Variants in UPF2 observed in about 807,000 individuals in gnomAD.
The protein encoded by UPF2 is UPF2 regulator of nonsense mediated mRNA decay, also known as regulator of nonsense transcripts 2.
In UPF2, 17 loss-of-function variants were observed where a neutral mutation model predicts 141.4. The ratio of observed to expected loss-of-function variants is 0.12; its 90% CI spans 0.08 to 0.18. The LOEUF (loss-of-function observed/expected upper bound fraction) is 0.18, where lower values mean the gene tolerates loss of function less well. UPF2 is among the 10% of genes least tolerant of loss of function. The pLI, the probability that UPF2 is intolerant of heterozygous loss-of-function variation, is 1.00. For missense variants in UPF2, 1,152 were observed against 1,515.9 expected, an observed-to-expected ratio of 0.76 and a Z score of 3.99; for synonymous variants, 540 against 498.0, an observed-to-expected ratio of 1.08 and a Z score of -1.12.
At chr10:11,938,519 G>A (rs540675781) in intron 18 of UPF2, among the ~76,000 whole-genome samples, 1 of 152,060 alleles carries the variant, frequency 6.6e-6, no homozygotes, top group East Asian at 1.9e-4. Context: ...AAACCACACT[G>A]GATATTATCA....
rs765525104 is a variant in UPF2 at position 11,959,135 on chromosome 10, C to T, written c.2370+36G>A. Reference sequence around the variant, plus strand: ...AAGCTTAGCACTACCACAAATCTCACGTTAACTATTAACTGCATGATTTCA... The same window carrying T: ...AAGCTTAGCACTACCACAAATCTCATGTTAACTATTAACTGCATGATTTCA... On this transcript the variant is annotated intron_variant, in intron 12 of 21. Coordinates refer to ENST00000357604, the MANE Select transcript of UPF2 (RefSeq NM_015542.4). The surrounding 1 kb of genome is among the most constrained non-coding windows in gnomAD (Gnocchi z 5.9). The T allele has an allele frequency of 2.6e-6, 4 of 1,537,314 alleles. No homozygotes were observed. The highest frequency in any genetic ancestry group is 4.5e-5 in the East Asian group (2 of 44,152).
intron 19 of UPF2, among the ~76,000 whole-genome samples, chr10:11,933,748 C>T (rs1832809266): frequency 6.6e-6 from 1 of 152,082 alleles, no homozygotes; most frequent in South Asian, 2.1e-4. Flanking sequence ...TCTATAAGGG[C>T]CAGATGGGGT....
At chr10:11,948,595 T>G in intron 15 of UPF2, 87 bp from the exon 16 acceptor site, 1 of 1,400,964 alleles carries the variant, frequency 7.1e-7, no homozygotes. Flanking sequence ...TGTAAAAGTA[T>G]GCATTAAGAA....
intron 20 of UPF2, among the ~76,000 whole-genome samples, chr10:11,930,229 T>TGATA (rs1832766601): frequency 6.6e-6 from 1 of 152,224 alleles, no homozygotes; most frequent in South Asian, 2.1e-4. Flanking sequence ...AGCTATATTA[T>TGATA]GAGGCAGTAG....
At chr10:12,002,353 TG>T (rs1833967561) in intron 5 of UPF2, among the ~76,000 whole-genome samples, 1 of 152,136 alleles carries the variant, frequency 6.6e-6, no homozygotes, top group African/African-American at 2.4e-5. Context: ...ACTGAAGAGA[TG>T]GATGGATGAC....
At chr10:11,988,565 A>G (rs997908492) in intron 8 of UPF2, among the ~76,000 whole-genome samples, 1 of 152,198 alleles carries the variant, frequency 6.6e-6, no homozygotes, top group Non-Finnish European at 1.5e-5. Context: ...TTGGTCTCCA[A>G]AAGTGTTGGG....
At position 12,030,383 on chromosome 10, in the gene UPF2, A is replaced by C. The variant is rs1336202540; in HGVS notation, c.366-859T>G. Among the ~76,000 whole-genome samples the C allele has an allele frequency of 3.9e-5, 6 of 151,982 alleles. No homozygotes were observed. The East Asian group carries it at 7.8e-4, about 20-fold the overall frequency. ...ACCCCGTCTCTACTAAAAATACAAA[A>C]ATCAGCCAGTCGTGGTGGTGGGCAC... On this transcript the variant is annotated intron_variant, in intron 2 of 21. Transcript: ENST00000357604.
chr10:12,017,022 A>G (rs1030420628), intron 3 of UPF2, among the ~76,000 whole-genome samples: 47 of 107,712 alleles, frequency 4.4e-4, no homozygotes, highest in African/African-American at 1.0e-3. Context: ...TCCATCTCGG[A>G]AAAAAAAAAA....
chr10:11,927,544 G>A (rs1832728457), intron 21 of UPF2, among the ~76,000 whole-genome samples: 1 of 152,152 alleles, frequency 6.6e-6, no homozygotes, highest in African/African-American at 2.4e-5. Context: ...TGCAAAAGCA[G>A]GAAATGAACA....
At chr10:12,018,657 TGGGA>T (rs1834266396) in intron 3 of UPF2, among the ~76,000 whole-genome samples, 1 of 151,624 alleles carries the variant, frequency 6.6e-6, no homozygotes, top group Non-Finnish European at 1.5e-5. Context: ...GAGGTTGAGG[TGGGA>T]GGATCACCTG....
intron 16 of UPF2, among the ~76,000 whole-genome samples, 194 bp downstream of exon 16, chr10:11,948,175 G>A (rs896159916): frequency 6.7e-6 from 1 of 148,474 alleles, no homozygotes; most frequent in Non-Finnish European, 1.5e-5. Context: ...TTGAACCCAG[G>A]AGGCAGAGGT....
rs1024101 is a variant in UPF2, at chr10:12,032,756, C to A, written c.365+2303G>T. 4.8e-5 allele frequency among the ~76,000 whole-genome samples: 7 copies of A among 146,794 alleles called. 1 individual carries two copies. The highest frequency in any genetic ancestry group is 1.5e-4 in the African/African-American group (6 of 40,042). ...CTGTCTCAAAAAAAAAAAAAAAAGA[C>A]TCTCTTAAGAATCATGGTTCTGAAT... is the stretch of plus-strand genomic sequence containing the variant. On this transcript the variant is annotated intron_variant, in intron 2 of 21. Transcript: ENST00000357604.
At chr10:12,028,387 G>C (rs191309125) in intron 3 of UPF2, among the ~76,000 whole-genome samples, 2 of 152,162 alleles carry the variant, frequency 1.3e-5, no homozygotes, top group African/African-American at 2.4e-5. Context: ...ACCTGTTATA[G>C]AGAGAACGTT....
chr10:11,975,098 T>C (rs1588546927), intron 9 of UPF2, among the ~76,000 whole-genome samples: 1 of 152,204 alleles, frequency 6.6e-6, no homozygotes, highest in Non-Finnish European at 1.5e-5. Context: ...TTATGTTAAA[T>C]AAAAGTTGTC....
At chr10:11,999,821 C>T (rs2131264298) in intron 7 of UPF2, 85 bp downstream of exon 7, 1 of 1,103,028 alleles carries the variant, frequency 9.1e-7, no homozygotes, top group Non-Finnish European at 1.4e-6. Context: ...GTAGCTCAAA[C>T]AGTCTAAAAA....
rs1397834185 is a variant in UPF2, at chr10:11,935,999, C to T, written c.3546+546G>A. On this transcript the variant is annotated intron_variant, in intron 19 of 21. Coordinates refer to ENST00000357604, the MANE Select transcript of UPF2 (RefSeq NM_015542.4). The surrounding 1 kb of genome is among the most constrained non-coding windows in gnomAD (Gnocchi z 4.9). ...ATCGGTTGCCATCCTCCTTTCCTTC[C>T]CCGCCTGGGGCTTGCTTGTGGAAGT... Among the ~76,000 whole-genome samples the T allele has an allele frequency of 1.3e-5, 2 of 152,306 alleles. No individual in the cohort carries two copies. The highest frequency in any genetic ancestry group is 4.8e-5 in the African/African-American group (2 of 41,576).
intron 9 of UPF2, among the ~76,000 whole-genome samples, chr10:11,968,355 G>A (rs1446334280): frequency 3.3e-5 from 5 of 152,100 alleles, no homozygotes; most frequent in Admixed American, 2.6e-4. Context: ...AAAACTTTAA[G>A]TCAATGTTTT....
At chr10:11,947,875 ATTAC>A (rs1260540157) in intron 16 of UPF2, among the ~76,000 whole-genome samples, 6 of 150,774 alleles carry the variant, frequency 4.0e-5, no homozygotes, top group African/African-American at 1.5e-4. Flanking sequence ...TCAGTATTTT[ATTAC>A]TTTCTTTAAA....
chr10:11,976,044 A>G (rs865871224), intron 9 of UPF2, among the ~76,000 whole-genome samples: 1 of 152,212 alleles, frequency 6.6e-6, no homozygotes, highest in African/African-American at 2.4e-5. Flanking sequence ...ATCTAGTGCC[A>G]AACAGCTTCA....
Sources: gnomAD v4.1 joint callset for allele counts (sites outside exome capture counted in the v4.1 genomes callset) on GRCh38, gnomAD v4.1.1 for gene constraint, Gnocchi (gnomAD v3.1) non-coding constraint, MANE v1.5 for transcripts, NCBI Gene and HGNC (gene_info 2026-07-23, HGNC 2026-07-21) for gene names.